The following EDA variants were observed in gnomAD, a reference collection of about 807,000 sequenced individuals.
EDA encodes the protein ectodysplasin-A.
In EDA, 2 loss-of-function variants were observed where a neutral mutation model predicts 23.6. The ratio of observed to expected loss-of-function variants is 0.08; its 90% CI spans 0.03 to 0.27. The LOEUF (loss-of-function observed/expected upper bound fraction) is 0.27, where lower values mean the gene tolerates loss of function less well. Ranked by LOEUF, EDA falls within the 10% of genes least tolerant of loss-of-function variation. EDA has a pLI of 1.00. For synonymous variants in EDA, 131 were observed against 132.0 expected (o/e 0.99, Z 0.05); for missense variants, 229 against 324.2 (o/e 0.71, Z 2.26).
chrX:69,822,124 C>T (rs1471272835), intron 1 of EDA, among the ~76,000 whole-genome samples: 1 of 110,477 alleles, frequency 9.1e-6, no homozygotes, highest in African/African-American at 3.3e-5. Context: ...CTCTACAAAA[C>T]ACGTTTTAAA....
At chrX:70,023,630 C>T (rs1451990795) in intron 3 of EDA, among the ~76,000 whole-genome samples, 1 of 104,311 alleles carries the variant, frequency 9.6e-6, no homozygotes, top group Non-Finnish European at 2.0e-5. Flanking sequence ...GCTGGGATTA[C>T]AGGCACTCGC....
chrX:69,815,471 G>A (rs1178016089), intron 1 of EDA, among the ~76,000 whole-genome samples: 2 of 110,316 alleles, frequency 1.8e-5, no homozygotes, highest in African/African-American at 6.6e-5. Flanking sequence ...CAGCAGTTGG[G>A]TAGACTCAGC....
chrX:69,943,794 G>A (rs1482610973), intron 1 of EDA, among the ~76,000 whole-genome samples: 2 of 109,839 alleles, frequency 1.8e-5, no homozygotes, highest in African/African-American at 6.6e-5. Flanking sequence ...CAGGTCCAAC[G>A]ATGCCATCCA....
chrX:69,822,169 T>TA (rs745501410), intron 1 of EDA, among the ~76,000 whole-genome samples: 15 of 110,587 alleles, frequency 1.4e-4, no homozygotes, highest in Non-Finnish European at 2.5e-4. Context: ...CCTGTAGTCC[T>TA]AGCTACTTGG....
In EDA at chrX:69,893,369, C is replaced by G. The variant is rs1219040065; in HGVS notation, c.397-63658C>G. Among the ~76,000 whole-genome samples, 4 of 111,778 alleles carry G rather than the reference C, an allele frequency of 3.6e-5. No individual in the cohort carries two copies. The East Asian group carries it at 8.5e-4, about 24-fold the overall frequency. On this transcript the variant is annotated intron_variant, in intron 1 of 7. Coordinates refer to ENST00000374552, the MANE Select transcript of EDA (RefSeq NM_001399.5). ...CCAAACAAGGCCGCATTCACAGGTT[C>G]CAAGTTAGGACATGAACTTATCTTT...
chrX:69,780,276 A>G (rs1433095353), intron 1 of EDA, among the ~76,000 whole-genome samples: 2 of 111,712 alleles, frequency 1.8e-5, no homozygotes, highest in African/African-American at 6.5e-5. Flanking sequence ...TTACACCATT[A>G]TCCTACAGAG....
intron 2 of EDA, among the ~76,000 whole-genome samples, chrX:69,988,626 C>T (rs989977103): frequency 1.8e-4 from 20 of 111,626 alleles, no homozygotes; most frequent in African/African-American, 5.5e-4. Context: ...GAGGCCGAGG[C>T]GGGTGGACCA....
intron 1 of EDA, among the ~76,000 whole-genome samples, chrX:69,638,719 G>A (rs1932805388): frequency 9.0e-6 from 1 of 111,729 alleles, no homozygotes; most frequent in South Asian, 3.7e-4. Context: ...AAGATCGTAA[G>A]CTAAATAGTC....
intron 1 of EDA, among the ~76,000 whole-genome samples, chrX:69,738,939 C>T (rs759010719): frequency 9.0e-6 from 1 of 111,020 alleles, no homozygotes; most frequent in Non-Finnish European, 1.9e-5. Flanking sequence ...GTTCCATGTG[C>T]ATTTCAGAAG....
At chrX:69,674,987 A>AT (rs1210055151) in intron 1 of EDA, among the ~76,000 whole-genome samples, 7 of 110,417 alleles carry the variant, frequency 6.3e-5, no homozygotes, top group Non-Finnish European at 1.1e-4. Flanking sequence ...TCTCTGTTTT[A>AT]TTTTTTTCTT....
chrX:69,798,792 C>T (rs1374329070), intron 1 of EDA, among the ~76,000 whole-genome samples: 2 of 110,506 alleles, frequency 1.8e-5, no homozygotes, highest in Non-Finnish European at 3.8e-5. Context: ...AGCACACCTA[C>T]AGAAAATAGA....
intron 2 of EDA, among the ~76,000 whole-genome samples, chrX:69,966,614 T>C (rs1164779415): frequency 9.2e-6 from 1 of 108,984 alleles, no homozygotes; most frequent in Non-Finnish European, 1.9e-5. Flanking sequence ...ATATAGGTCA[T>C]ACATAAAAGG....
At chrX:69,760,160 C>A (rs1361264689) in intron 1 of EDA, among the ~76,000 whole-genome samples, 3 of 51,582 alleles carry the variant, frequency 5.8e-5, no homozygotes, top group African/African-American at 2.5e-4. Flanking sequence ...GGGCTTTGTA[C>A]AAACCTCTCA....
At chrX:69,873,711 C>T (rs962123110) in intron 1 of EDA, among the ~76,000 whole-genome samples, 5 of 111,460 alleles carry the variant, frequency 4.5e-5, no homozygotes, top group African/African-American at 1.3e-4. Flanking sequence ...GCAAAGAATC[C>T]GGGATCATAA....
intron 1 of EDA, among the ~76,000 whole-genome samples, chrX:69,673,964 A>G (rs1297246226): frequency 9.0e-6 from 1 of 111,689 alleles, no homozygotes; most frequent in South Asian, 3.8e-4. Flanking sequence ...TCCCTCATCT[A>G]AAAAACATTT....
intron 1 of EDA, among the ~76,000 whole-genome samples, chrX:69,637,403 G>A (rs954886729): frequency 9.0e-6 from 1 of 111,702 alleles, no homozygotes; most frequent in Admixed American, 9.5e-5. Context: ...AATGGAATGA[G>A]CCAGCTGCCT....
At chrX:70,025,642 T>C (rs759179088) in intron 3 of EDA, among the ~76,000 whole-genome samples, 4 of 112,220 alleles carry the variant, frequency 3.6e-5, no homozygotes, top group South Asian at 3.7e-4. Flanking sequence ...TTGTGTTCTT[T>C]CCACTACACT....
chrX:69,838,112 A>C (rs2016818439), intron 1 of EDA, among the ~76,000 whole-genome samples: 1 of 112,483 alleles, frequency 8.9e-6, no homozygotes, highest in African/African-American at 3.2e-5. Flanking sequence ...TATGGTAAAG[A>C]ACAGGCTGTC....
chrX:69,828,234 G>A (rs906443610), intron 1 of EDA, among the ~76,000 whole-genome samples: 1 of 112,287 alleles, frequency 8.9e-6, no homozygotes, highest in South Asian at 3.7e-4. Flanking sequence ...CCACCCAGTT[G>A]GAGCTTCCAG....
Sources: allele counts gnomAD v4.1 joint callset (sites outside exome capture counted in the v4.1 genomes callset), GRCh38; gene constraint gnomAD v4.1.1; transcripts MANE v1.5; gene names NCBI Gene and HGNC (gene_info 2026-07-23, HGNC 2026-07-21).